The following LRRC4C variants were observed in gnomAD, a reference collection of about 807,000 sequenced individuals.
The protein encoded by LRRC4C is leucine rich repeat containing 4C.
Under a neutral mutation model 33.6 loss-of-function variants are expected in LRRC4C, and 5 were observed. That is an observed-to-expected ratio of 0.15 (90% CI 0.08 to 0.31). LRRC4C has a LOEUF of 0.31. Among genes scored for constraint, LRRC4C ranks in the 10% least tolerant of loss-of-function variants. The pLI is 1.00. For synonymous variants in LRRC4C, 329 were observed against 302.0 expected (o/e 1.09, Z -0.93); for missense variants, 560 against 796.7 (o/e 0.70, Z 3.58).
intron 1 of LRRC4C, among the ~76,000 whole-genome samples, chr11:41,365,419 A>G (rs2137715080): frequency 6.6e-6 from 1 of 152,182 alleles, no homozygotes; most frequent in Non-Finnish European, 1.5e-5. Context: ...AATAGAAATA[A>G]AATGCACAAT....
intron 1 of LRRC4C, among the ~76,000 whole-genome samples, chr11:41,100,066 G>A (rs879446280): frequency 2.8e-4 from 42 of 151,918 alleles, no homozygotes; most frequent in Non-Finnish European, 4.3e-4. Flanking sequence ...CAAGCCAAGA[G>A]CCAAATCAGA....
At chr11:40,930,701 T>C (rs1490926572) in intron 2 of LRRC4C, among the ~76,000 whole-genome samples, 1 of 152,224 alleles carries the variant, frequency 6.6e-6, no homozygotes, top group Non-Finnish European at 1.5e-5. Context: ...CTTTGTGAAT[T>C]GTTTTGATTT....
chr11:41,146,984 A>G (rs1218455535), intron 1 of LRRC4C, among the ~76,000 whole-genome samples: 2 of 152,234 alleles, frequency 1.3e-5, no homozygotes, highest in Non-Finnish European at 2.9e-5. Flanking sequence ...AAACTCTTAA[A>G]TACTTTATTT....
At chr11:40,767,180 A>G (rs1018503249) in intron 2 of LRRC4C, among the ~76,000 whole-genome samples, 1 of 152,124 alleles carries the variant, frequency 6.6e-6, no homozygotes, top group Non-Finnish European at 1.5e-5. Context: ...AGGAGTAGCT[A>G]TATTTAACAA....
At chr11:41,417,854 T>C in intron 1 of LRRC4C, among the ~76,000 whole-genome samples, 1 of 151,816 alleles carries the variant, frequency 6.6e-6, no homozygotes, top group East Asian at 1.9e-4. Context: ...TTTTTTTCTA[T>C]TCATTGCTGT....
chr11:40,640,543 C>A (rs7945017), intron 3 of LRRC4C, among the ~76,000 whole-genome samples: 151,329 of 152,048 alleles, frequency 1, 75,312 homozygotes, highest in Middle Eastern at 1. Context: ...AAACAAACCC[C>A]TAATATTTTA....
chr11:40,437,196 A>T (rs75814727), intron 3 of LRRC4C, among the ~76,000 whole-genome samples: 2,057 of 152,042 alleles, frequency 0.014, 25 homozygotes, highest in African/African-American at 0.046. Flanking sequence ...CTTTTTTCTC[A>T]CTATATTAAG....
intron 2 of LRRC4C, among the ~76,000 whole-genome samples, chr11:40,907,274 A>G (rs1190155443): frequency 6.6e-6 from 1 of 152,160 alleles, no homozygotes; most frequent in Non-Finnish European, 1.5e-5. Flanking sequence ...CTGTAGCTGG[A>G]CACGTAGGAG....
intron 1 of LRRC4C, among the ~76,000 whole-genome samples, chr11:41,175,317 T>C (rs1945151217): frequency 1.3e-5 from 2 of 152,206 alleles, no homozygotes; most frequent in African/African-American, 2.4e-5. Context: ...TGATTATTTT[T>C]GTTATTCCTG....
chr11:40,320,102 A>G (rs2136841770), intron 3 of LRRC4C, among the ~76,000 whole-genome samples: 1 of 152,268 alleles, frequency 6.6e-6, no homozygotes, highest in Admixed American at 6.5e-5. Context: ...CTTATTGTAC[A>G]TAAATTTAAA....
At chr11:41,103,011 A>G (rs1941286083) in intron 1 of LRRC4C, among the ~76,000 whole-genome samples, 1 of 152,088 alleles carries the variant, frequency 6.6e-6, no homozygotes, top group South Asian at 2.1e-4. Context: ...AGGTAAAATA[A>G]AAAAGAAAAG....
At chr11:40,346,799 T>C (rs1947155309) in intron 3 of LRRC4C, among the ~76,000 whole-genome samples, 1 of 152,236 alleles carries the variant, frequency 6.6e-6, no homozygotes, top group African/African-American at 2.4e-5. Context: ...AGTAGTATTT[T>C]ATAAAAATCG....
In LRRC4C at chr11:40,491,753, C is replaced by A. The variant is rs78369628; in HGVS notation, c.-270+156389G>T. On this transcript the variant is annotated intron_variant, in intron 3 of 6. Coordinates refer to ENST00000528697, the MANE Select transcript of LRRC4C (RefSeq NM_001258419.2). ...TAACTCAAAATCAACTGATTAGGGG[C>A]CTTTATTATATCTAAAAAAACTTTA... 9.5e-3 allele frequency among the ~76,000 whole-genome samples: 1,439 copies of A among 152,154 alleles called. 14 individuals carry two copies. Among genetic ancestry groups the A allele is most frequent in the African/African-American group, 0.033 (1,364 of 41,488 alleles).
chr11:40,866,193 G>C (rs898809943), intron 2 of LRRC4C, among the ~76,000 whole-genome samples: 4 of 139,334 alleles, frequency 2.9e-5, no homozygotes, highest in African/African-American at 7.8e-5. Flanking sequence ...AAAGCGGTAA[G>C]AAATGTGGTC....
At chr11:40,984,799 C>A (rs1852869818) in intron 1 of LRRC4C, among the ~76,000 whole-genome samples, 1 of 150,530 alleles carries the variant, frequency 6.6e-6, no homozygotes, top group African/African-American at 2.4e-5. Flanking sequence ...ACTCACTGAT[C>A]CTGAGGCAGA....
At chr11:40,453,690 A>C (rs11035853) in intron 3 of LRRC4C, among the ~76,000 whole-genome samples, 3 of 152,006 alleles carry the variant, frequency 2.0e-5, no homozygotes, top group African/African-American at 7.2e-5. Flanking sequence ...ATACTAGCAA[A>C]CCAAATCCAG....
chr11:40,786,933 C>T (rs978987176), intron 2 of LRRC4C, among the ~76,000 whole-genome samples: 1 of 151,960 alleles, frequency 6.6e-6, no homozygotes, highest in African/African-American at 2.4e-5. Context: ...AAAAGTAGGT[C>T]TTGGTCAAGG....
intron 1 of LRRC4C, among the ~76,000 whole-genome samples, chr11:41,372,433 C>T (rs1952784290): frequency 6.6e-6 from 1 of 152,216 alleles, no homozygotes. Context: ...GTAGCATACT[C>T]CATGTCATAT....
intron 5 of LRRC4C, among the ~76,000 whole-genome samples, chr11:40,195,558 T>C (rs541495572): frequency 3.3e-5 from 5 of 152,136 alleles, no homozygotes; most frequent in Admixed American, 2.6e-4. Context: ...ATTTTTGCTT[T>C]ATTGAAATGA....
Sources: gnomAD v4.1 joint callset for allele counts (sites outside exome capture counted in the v4.1 genomes callset) on GRCh38, gnomAD v4.1.1 for gene constraint, MANE v1.5 for transcripts, NCBI Gene and HGNC (gene_info 2026-07-23, HGNC 2026-07-21) for gene names.